The following SLC12A8 variants were observed in gnomAD, a reference collection of about 807,000 sequenced individuals.
The protein encoded by SLC12A8 is cation-chloride cotransporter 9.
Under a neutral mutation model 75.6 loss-of-function variants are expected in SLC12A8, and 69 were observed. The ratio of observed to expected loss-of-function variants is 0.91; its 90% CI spans 0.75 to 1.11. The LOEUF is 1.11. SLC12A8 is among the 50% of genes most tolerant of loss of function. SLC12A8 has a pLI of 0.00. For missense variants in SLC12A8, 877 were observed against 896.7 expected (o/e 0.98, Z 0.28); for synonymous variants, 365 against 372.8 (o/e 0.98, Z 0.24).
rs185023285 is a variant in SLC12A8 at position 125,143,477 on chromosome 3, A to G, written c.623-7695T>C. Among the ~76,000 whole-genome samples the G allele has an allele frequency of 3.3e-5, 5 of 152,334 alleles. No homozygotes were observed. The East Asian group carries it at 5.8e-4, about 18-fold the overall frequency. On this transcript the variant is annotated intron_variant, in intron 5 of 13. Coordinates refer to ENST00000469902, the MANE Select transcript of SLC12A8 (RefSeq NM_024628.6). Reference sequence around the variant, plus strand: ...CAGTCTCCTCTCTGGCTTCAGCCCTATTGACTTTGGTCCTGCAAAGAGAGG... The same window carrying G: ...CAGTCTCCTCTCTGGCTTCAGCCCTGTTGACTTTGGTCCTGCAAAGAGAGG...
At chr3:125,177,132 A>G (rs1232684207) in intron 5 of SLC12A8, among the ~76,000 whole-genome samples, 1 of 152,122 alleles carries the variant, frequency 6.6e-6, no homozygotes, top group African/African-American at 2.4e-5. Context: ...ACACCATGAA[A>G]TACTATGCAG....
At chr3:125,186,953 C>T (rs1359606688) in intron 4 of SLC12A8, among the ~76,000 whole-genome samples, 1 of 152,232 alleles carries the variant, frequency 6.6e-6, no homozygotes, top group Non-Finnish European at 1.5e-5. Flanking sequence ...CAATCTGGTC[C>T]CCAGATTGAA....
Position 125,190,507 on chromosome 3 carries a change from C to T in SLC12A8, c.66G>A (p.Gln22=), listed in dbSNP as rs758907354. 6 of 1,614,098 alleles carry T rather than the reference C, an allele frequency of 3.7e-6. No homozygotes were observed. The highest frequency in any genetic ancestry group is 5.1e-6 in the Non-Finnish European group (6 of 1,179,972). The change falls in exon 3 of 14, where the codon CAG becomes CAA. Residue 22 remains glutamine (Q), a synonymous_variant. Coordinates refer to ENST00000469902, the MANE Select transcript of SLC12A8 (RefSeq NM_024628.6). ...HEAAQQDALA[Q]PQPWWKTQLF... ...GCTGGGTCTTCCACCAGGGCTGGGG[C>T]TGGGCCAGGGCATCCTGCAAACAGA...
intron 10 of SLC12A8, among the ~76,000 whole-genome samples, chr3:125,093,098 A>G (rs2948828): frequency 0.36 from 55,001 of 152,042 alleles, 10,623 homozygotes; most frequent in Non-Finnish European, 0.44. Context: ...TTGACTTTCT[A>G]TTTCTGCAGA....
rs201144406 is a variant in SLC12A8 at position 125,142,927 on chromosome 3, CT to C, written c.623-7146del. 1.4e-4 allele frequency among the ~76,000 whole-genome samples: 22 copies of C among 152,360 alleles called. No individual in the cohort carries two copies. The East Asian group carries it at 4.2e-3, about 29-fold the overall frequency. The stretch of plus-strand genomic sequence containing the variant: ...ACATGCCCTCCTCCCTTCCCTGACT[CT>C]GTGATTGTTGATACAGGATGTGCTC... On this transcript the variant is annotated intron_variant, in intron 5 of 13. Coordinates refer to ENST00000469902, the MANE Select transcript of SLC12A8 (RefSeq NM_024628.6).
intron 10 of SLC12A8, among the ~76,000 whole-genome samples, chr3:125,102,078 G>T (rs1288072795): frequency 2.0e-5 from 3 of 152,154 alleles, no homozygotes; most frequent in Non-Finnish European, 4.4e-5. Flanking sequence ...AATATGATGT[G>T]ATATAAATAT....
Position 125,083,712 on chromosome 3 carries a change from ACT to A in SLC12A8, c.*176_*177del. ...ACTCCAGCCTGGGTGACAGGGCGAG[ACT>A]CTGTCTCAAAAAAAAAAAAAAAGGG... On this transcript the variant is annotated 3_prime_UTR_variant, in exon 14 of 14. Coordinates refer to ENST00000469902, the MANE Select transcript of SLC12A8 (RefSeq NM_024628.6). The A allele has an allele frequency of 1.6e-6, 1 of 612,838 alleles. No homozygotes were observed. The highest frequency in any genetic ancestry group is 2.0e-5 in the African/African-American group (1 of 49,652). 38.0% of individuals were successfully genotyped at this position (612,838 alleles called of 1,614,324 possible).
At chr3:125,182,797 C>T (rs1174593880) in intron 4 of SLC12A8, among the ~76,000 whole-genome samples, 2 of 152,142 alleles carry the variant, frequency 1.3e-5, no homozygotes, top group Non-Finnish European at 2.9e-5. Flanking sequence ...TGAGCCACCG[C>T]GCCTGGCCTT....
chr3:125,101,584 T>C (rs1006751428), intron 10 of SLC12A8, among the ~76,000 whole-genome samples: 2 of 152,250 alleles, frequency 1.3e-5, no homozygotes, highest in Non-Finnish European at 2.9e-5. Flanking sequence ...AAATGTTTTT[T>C]ATTTCTATTT....
chr3:125,154,964 C>T (rs185148036), intron 5 of SLC12A8: 3 of 152,290 alleles, frequency 2.0e-5, no homozygotes, highest in African/African-American at 2.4e-5. Flanking sequence ...GACCTGATAA[C>T]CAAGCCAGGT....
chr3:125,207,175 G>A (rs968680273), intron 2 of SLC12A8, among the ~76,000 whole-genome samples: 1 of 152,182 alleles, frequency 6.6e-6, no homozygotes, highest in African/African-American at 2.4e-5. Flanking sequence ...TTCTGACGGG[G>A]AGCCTGCTCC....
chr3:125,094,871 C>T (rs2107734071), intron 10 of SLC12A8, among the ~76,000 whole-genome samples: 1 of 152,298 alleles, frequency 6.6e-6, no homozygotes, highest in South Asian at 2.1e-4. Context: ...CAACTCCTAG[C>T]CCTCATCCCA....
At chr3:125,187,187 G>A (rs780709698) in intron 4 of SLC12A8, 50 bp downstream of exon 4, 1 of 1,582,154 alleles carries the variant, frequency 6.3e-7, no homozygotes, top group East Asian at 2.2e-5. Flanking sequence ...TGGACAAGAA[G>A]AAAGTGGCAG....
At chr3:125,088,957 G>T (rs779455055) in intron 12 of SLC12A8, among the ~76,000 whole-genome samples, 2 of 152,020 alleles carry the variant, frequency 1.3e-5, no homozygotes, top group Non-Finnish European at 2.9e-5. Context: ...TTTGAATAGG[G>T]TTTATCAATT....
rs547667562 is a variant in SLC12A8, at chr3:125,138,257, C to T, written c.623-2475G>A. Among the ~76,000 whole-genome samples the T allele has an allele frequency of 1.4e-4, 22 of 152,106 alleles. No homozygotes were observed. In the East Asian group the frequency reaches 3.9e-3, roughly 27 times the overall value. On this transcript the variant is annotated intron_variant, in intron 5 of 13. Transcript: ENST00000469902. ...CTCTACTAAAAATACAAAAATTAGC[C>T]GGCCGTGATGGGGTGTGCCTGTAGT...
At chr3:125,144,424 G>A (rs1468876284) in intron 5 of SLC12A8, among the ~76,000 whole-genome samples, 1 of 152,160 alleles carries the variant, frequency 6.6e-6, no homozygotes, top group Admixed American at 6.5e-5. Flanking sequence ...TGCTCCAGCT[G>A]GGACCCTGCA....
chr3:125,126,048 C>T, intron 6 of SLC12A8: 1 of 311,854 alleles, frequency 3.2e-6, no homozygotes, highest in Non-Finnish European at 4.7e-6. Flanking sequence ...CATTTTTTCT[C>T]CCTGCATCAC....
chr3:125,187,545 G>C (rs1560080415), intron 3 of SLC12A8, 117 bp from the exon 4 acceptor site: 2 of 894,564 alleles, frequency 2.2e-6, no homozygotes, highest in South Asian at 1.6e-5. Context: ...GGCCAGGGGT[G>C]GGGGCACAGA....
intron 2 of SLC12A8, among the ~76,000 whole-genome samples, chr3:125,196,674 A>G (rs978691308): frequency 1.8e-4 from 28 of 152,206 alleles, no homozygotes; most frequent in Admixed American, 1.6e-3. Context: ...CACACCTGTA[A>G]TCCCAGCACT....
Sources: allele counts gnomAD v4.1 joint callset (sites outside exome capture counted in the v4.1 genomes callset), GRCh38; gene constraint gnomAD v4.1.1; transcripts MANE v1.5; gene names NCBI Gene and HGNC (gene_info 2026-07-23, HGNC 2026-07-21).